GTF2IRD1: variants seen among roughly 807,000 people sequenced by gnomAD.
GTF2IRD1 encodes the protein GTF2I repeat domain containing 1.
GTF2IRD1 carries 26 observed loss-of-function variants against 113.2 expected under a neutral mutation model. The ratio of observed to expected loss-of-function variants is 0.23; its 90% confidence interval spans 0.17 to 0.32. The LOEUF (loss-of-function observed/expected upper bound fraction) is 0.32. GTF2IRD1 is among the 10% of genes least tolerant of loss of function. The probability of loss-of-function intolerance (pLI) is 1.00; values close to 1 mark genes in which losing one functional copy is unlikely to be tolerated. For synonymous variants in GTF2IRD1, 484 were observed against 529.1 expected, an observed-to-expected ratio of 0.91 and a Z score of 1.17; for missense variants, 864 against 1,280.8, an observed-to-expected ratio of 0.67 and a Z score of 4.97.
At chr7:74,547,531 T>G (rs1554353682) in intron 17 of GTF2IRD1, among the ~76,000 whole-genome samples, 6 of 148,962 alleles carry the variant, frequency 4.0e-5, no homozygotes. Context: ...ACCTCCGCTC[T>G]GGCTTCAAGC....
intron 1 of GTF2IRD1, among the ~76,000 whole-genome samples, chr7:74,469,770 C>T (rs1665774029): frequency 6.6e-6 from 1 of 152,014 alleles, no homozygotes; most frequent in Admixed American, 6.6e-5. Context: ...TTGGTGGGAT[C>T]ATGGCTCACT....
intron 1 of GTF2IRD1, among the ~76,000 whole-genome samples, chr7:74,496,088 ATGCATGTGTG>A (rs572834316): frequency 1.2e-3 from 184 of 151,896 alleles, no homozygotes; most frequent in African/African-American, 3.0e-3. Context: ...GTGAGTTTGC[ATGCATGTGTG>A]TGCATATGTG....
At chr7:74,552,508 C>G (rs1342055615) in intron 17 of GTF2IRD1, among the ~76,000 whole-genome samples, 1 of 152,038 alleles carries the variant, frequency 6.6e-6, no homozygotes, top group African/African-American at 2.4e-5. Flanking sequence ...AAGAGCAAAA[C>G]TCTCTCTCAA....
chr7:74,492,633 G>A (rs1317379202), intron 1 of GTF2IRD1, among the ~76,000 whole-genome samples: 1 of 152,122 alleles, frequency 6.6e-6, no homozygotes, highest in Non-Finnish European at 1.5e-5. Context: ...AAAAGTGTCT[G>A]TTCATGTCCT....
chr7:74,560,878 ACCT>A lies in GTF2IRD1; in HGVS notation c.2320+1227_2320+1229del, dbSNP rs781965682. Among the ~76,000 whole-genome samples the A allele has an allele frequency of 2.7e-5, 4 of 150,778 alleles. No homozygotes were observed. In the East Asian group the frequency reaches 6.0e-4, roughly 23 times the overall value. ...TTACAGGCATGAGCCACCACACCCG[ACCT>A]CCTGACCCTTTTTAAGGCACCCATC... On this transcript the variant is annotated intron_variant, in intron 22 of 26. Coordinates refer to ENST00000424337, the MANE Select transcript of GTF2IRD1 (RefSeq NM_005685.4).
At chr7:74,566,981 G>A (rs587609756) in intron 22 of GTF2IRD1, among the ~76,000 whole-genome samples, 3 of 152,284 alleles carry the variant, frequency 2.0e-5, no homozygotes, top group Admixed American at 2.0e-4. Context: ...GGTCCTGCCT[G>A]TGTAAACCTT....
At chr7:74,593,156 C>T (rs1802166561) in intron 24 of GTF2IRD1, among the ~76,000 whole-genome samples, 1 of 151,632 alleles carries the variant, frequency 6.6e-6, no homozygotes, top group African/African-American at 2.4e-5. Flanking sequence ...TGTGCCTGGC[C>T]TACATGTTTT....
chr7:74,530,828 A>G (rs2130460855), intron 9 of GTF2IRD1, among the ~76,000 whole-genome samples: 1 of 152,242 alleles, frequency 6.6e-6, no homozygotes, highest in Non-Finnish European at 1.5e-5. Flanking sequence ...TGGGCAAGTT[A>G]CTTAACCACT....
rs1185762144 is a variant in GTF2IRD1 at position 74,589,897 on chromosome 7, G to A, written c.2367G>A (p.Glu789=). 1.9e-6 allele frequency: 3 copies of A among 1,611,600 alleles called. No individual in the cohort carries two copies. The African/African-American group carries it at 4.0e-5, about 22-fold the overall frequency. Residue 789 remains glutamate (E), a synonymous_variant, in exon 23 of 27, where the codon GAG becomes GAA. Transcript: ENST00000424337. ...NRLGEKVILR[E]QVKELFNEKY... ...TCGGGGAGAAGGTGATCCTGCGGGA[G>A]CAGGTGAAGGAACTCTTCAACGAGA...
intron 1 of GTF2IRD1, among the ~76,000 whole-genome samples, chr7:74,493,282 T>C (rs1359205500): frequency 6.6e-6 from 1 of 151,524 alleles, no homozygotes; most frequent in African/African-American, 2.4e-5. Flanking sequence ...GCTAATTTTT[T>C]TTTATTTTTT....
chr7:74,508,018 A>G, intron 1 of GTF2IRD1, 57 bp from the exon 2 acceptor site: 1 of 1,554,908 alleles, frequency 6.4e-7, no homozygotes, highest in East Asian at 2.3e-5. Flanking sequence ...GGCAGCCACC[A>G]TATGAGACAA....
Position 74,512,896 on chromosome 7 carries a change from G to T in GTF2IRD1, c.190G>T (p.Val64Leu), listed in dbSNP as rs376904675. The T allele has an allele frequency of 6.2e-7, 1 of 1,614,030 alleles. No individual in the cohort carries two copies. Among genetic ancestry groups the T allele is most frequent in the African/African-American group, 1.3e-5 (1 of 74,948 alleles). The change falls in exon 3 of 27, where the codon GTG (valine) becomes TTG (leucine). Residue 64 changes from valine (V) to leucine (L), a missense_variant. Val to Leu is a conservative substitution (Grantham distance 32). Transcript: ENST00000424337. The surrounding 1 kb of genome is among the most constrained non-coding windows in gnomAD (Gnocchi z 4.4). ...CVAVHDESAF[V>L]VGTEKGRMFL... Reference sequence around the variant, plus strand: ...CGCCGTGCACGATGAGAGCGCCTTTGTGGTGGGCACAGAGAAGGGGAGAAT... The same window carrying T: ...CGCCGTGCACGATGAGAGCGCCTTTTTGGTGGGCACAGAGAAGGGGAGAAT...
intron 24 of GTF2IRD1, among the ~76,000 whole-genome samples, chr7:74,592,017 A>G (rs1802092647): frequency 6.6e-6 from 1 of 151,998 alleles, no homozygotes; most frequent in Admixed American, 6.6e-5. Context: ...AGATAGAAGA[A>G]AAGAAGATAG....
intron 15 of GTF2IRD1, among the ~76,000 whole-genome samples, chr7:74,545,371 C>T (rs1798859454): frequency 6.6e-6 from 1 of 152,096 alleles, no homozygotes; most frequent in Admixed American, 6.6e-5. Flanking sequence ...AGTCTTAACA[C>T]AGTTCCGCTG....
At chr7:74,464,057 G>T (rs1286845929) in intron 1 of GTF2IRD1, among the ~76,000 whole-genome samples, 2 of 152,114 alleles carry the variant, frequency 1.3e-5, no homozygotes, top group African/African-American at 4.8e-5. Context: ...ACCTGTTAGA[G>T]CTCTAAATAC....
chr7:74,497,480 CCT>C (rs1321942520), intron 1 of GTF2IRD1, among the ~76,000 whole-genome samples: 4 of 152,176 alleles, frequency 2.6e-5, no homozygotes, highest in Non-Finnish European at 5.9e-5. Flanking sequence ...GTCTCAAACT[CCT>C]GAGCTCAAGC....
At chr7:74,462,506 G>C (rs782499839) in intron 1 of GTF2IRD1, among the ~76,000 whole-genome samples, 1 of 152,192 alleles carries the variant, frequency 6.6e-6, no homozygotes, top group Non-Finnish European at 1.5e-5. Context: ...TACACGGGTA[G>C]CTGGTCCCTT....
intron 22 of GTF2IRD1, among the ~76,000 whole-genome samples, chr7:74,581,938 C>A (rs1367803779): frequency 1.3e-5 from 2 of 152,100 alleles, no homozygotes. Context: ...GCTCAGGAGG[C>A]GGAGGTTACA....
At chr7:74,566,271 T>G (rs1003422556) in intron 22 of GTF2IRD1, among the ~76,000 whole-genome samples, 1 of 152,336 alleles carries the variant, frequency 6.6e-6, no homozygotes, top group Non-Finnish European at 1.5e-5. Context: ...GGCTGTATCA[T>G]GGTTATGTAA....
Sources: allele counts gnomAD v4.1 joint callset (sites outside exome capture counted in the v4.1 genomes callset), GRCh38; gene constraint gnomAD v4.1.1; non-coding constraint Gnocchi (gnomAD v3.1); transcripts MANE v1.5; gene names NCBI Gene and HGNC (gene_info 2026-07-23, HGNC 2026-07-21).